NPAS3: variants seen among roughly 807,000 people sequenced by gnomAD.
NPAS3 encodes the protein neuronal PAS domain protein 3, also known as neuronal PAS domain-containing protein 3.
NPAS3 carries 14 observed loss-of-function variants against 73.1 expected under a neutral mutation model. The ratio of observed to expected loss-of-function variants is 0.19; its 90% CI spans 0.13 to 0.30. The LOEUF (loss-of-function observed/expected upper bound fraction) is 0.30, where lower values mean the gene tolerates loss of function less well. Ranked by LOEUF, NPAS3 falls within the 10% of genes least tolerant of loss-of-function variation. The pLI, the probability that NPAS3 is intolerant of heterozygous loss-of-function variation, is 1.00. For missense variants in NPAS3, 1,096 were observed against 1,250.0 expected (o/e 0.88, Z 1.86); for synonymous variants, 620 against 541.5 (o/e 1.14, Z -2.01).
chr14:33,710,035 C>T (rs2060773363), intron 6 of NPAS3, among the ~76,000 whole-genome samples: 1 of 152,184 alleles, frequency 6.6e-6, no homozygotes, highest in South Asian at 2.1e-4. Flanking sequence ...CAACATTACC[C>T]TTAGGGAGTC....
intron 6 of NPAS3, among the ~76,000 whole-genome samples, chr14:33,691,727 CCTTCCCGTTTTTCCACT>C (rs2060240891): frequency 6.6e-6 from 1 of 152,156 alleles, no homozygotes; most frequent in African/African-American, 2.4e-5. Context: ...GCAAAGAAAA[CCTTCCCGTTTTTCCACT>C]GGCTTCCTTG....
At chr14:33,728,097 A>G (rs2061317464) in intron 6 of NPAS3, among the ~76,000 whole-genome samples, 1 of 152,180 alleles carries the variant, frequency 6.6e-6, no homozygotes. Context: ...GGTATCATCC[A>G]AACACCAACT....
At chr14:33,273,184 C>T (rs1382441815) in intron 3 of NPAS3, among the ~76,000 whole-genome samples, 13 of 152,150 alleles carry the variant, frequency 8.5e-5, no homozygotes, top group Non-Finnish European at 1.8e-4. Context: ...GACTCCCCCG[C>T]TCTTCCCCAG....
At chr14:33,149,678 A>G (rs1017437056) in intron 2 of NPAS3, among the ~76,000 whole-genome samples, 1 of 152,190 alleles carries the variant, frequency 6.6e-6, no homozygotes, top group Non-Finnish European at 1.5e-5. Flanking sequence ...TTGAATTAAA[A>G]CAGTAATGTA....
chr14:33,624,569 G>GTT (rs11354235), intron 5 of NPAS3, among the ~76,000 whole-genome samples: 20 of 141,308 alleles, frequency 1.4e-4, no homozygotes, highest in Non-Finnish European at 2.3e-4. Flanking sequence ...GAACTATGTA[G>GTT]TTTTTTTTTT....
chr14:33,097,777 A>G (rs2042464938), intron 2 of NPAS3, among the ~76,000 whole-genome samples: 1 of 152,156 alleles, frequency 6.6e-6, no homozygotes. Flanking sequence ...ACATTTTCAA[A>G]TGTTTATGAG....
At chr14:33,535,986 A>G (rs898165519) in intron 4 of NPAS3, among the ~76,000 whole-genome samples, 1 of 152,200 alleles carries the variant, frequency 6.6e-6, no homozygotes, top group Non-Finnish European at 1.5e-5. Context: ...CTCTTTGGCC[A>G]TAGAACAGAG....
chr14:33,647,359 G>A (rs967437242), intron 5 of NPAS3, among the ~76,000 whole-genome samples: 1 of 151,666 alleles, frequency 6.6e-6, no homozygotes, highest in Non-Finnish European at 1.5e-5. Flanking sequence ...GGCTTCTTTA[G>A]TAATATTTTT....
Position 33,676,988 on chromosome 14 carries a change from C to T in NPAS3, c.733+603C>T, listed in dbSNP as rs552338263. Among the ~76,000 whole-genome samples, 5 of 152,290 alleles carry T rather than the reference C, an allele frequency of 3.3e-5. No individual in the cohort carries two copies. In the East Asian group the frequency reaches 5.8e-4, roughly 18 times the overall value. ...TTCCTCATTGGGATTCCTTCCAGGA[C>T]TCTTATAGACTTTGCATTCAGAATG... is the stretch of plus-strand genomic sequence containing the variant. On this transcript the variant is annotated intron_variant, in intron 6 of 11. Transcript: ENST00000356141.
intron 1 of NPAS3, among the ~76,000 whole-genome samples, chr14:32,969,827 C>A (rs1017152125): frequency 7.2e-5 from 11 of 152,084 alleles, no homozygotes; most frequent in African/African-American, 2.7e-4. Flanking sequence ...TTCTCAGAAA[C>A]ACTTTTTTAA....
chr14:32,936,023 G>A (rs756759773), upstream of NPAS3, among the ~76,000 whole-genome samples: 5 of 152,196 alleles, frequency 3.3e-5, no homozygotes, highest in African/African-American at 4.8e-5. Flanking sequence ...TTTGCCAATG[G>A]CATTTAACTT....
intron 5 of NPAS3, among the ~76,000 whole-genome samples, chr14:33,668,376 ATTAAGC>A (rs1400482121): frequency 1.3e-5 from 2 of 152,212 alleles, no homozygotes; most frequent in Non-Finnish European, 2.9e-5. Flanking sequence ...ATATGGGTGC[ATTAAGC>A]ATATCTAAGG....
chr14:33,632,445 C>G (rs1259717979), intron 5 of NPAS3, among the ~76,000 whole-genome samples: 1 of 152,186 alleles, frequency 6.6e-6, no homozygotes, highest in Non-Finnish European at 1.5e-5. Flanking sequence ...ACTCAGAGCA[C>G]ACTGTGTCCA....
At chr14:33,607,239 T>G (rs1347038914) in intron 5 of NPAS3, among the ~76,000 whole-genome samples, 1 of 152,250 alleles carries the variant, frequency 6.6e-6, no homozygotes, top group African/African-American at 2.4e-5. Flanking sequence ...GTAGCTTTGT[T>G]TGTAATAGTC....
At chr14:33,313,510 C>A (rs1331698004) in intron 3 of NPAS3, among the ~76,000 whole-genome samples, 2 of 152,054 alleles carry the variant, frequency 1.3e-5, no homozygotes, top group Non-Finnish European at 2.9e-5. Flanking sequence ...CCAGGCAGTG[C>A]TAGTTACTGA....
At chr14:33,547,841 A>G (rs1397416128) in intron 4 of NPAS3, among the ~76,000 whole-genome samples, 1 of 152,186 alleles carries the variant, frequency 6.6e-6, no homozygotes, top group Non-Finnish European at 1.5e-5. Flanking sequence ...GGTCTAAGCA[A>G]CAGTTGTCAG....
chr14:33,477,545 C>T (rs567672600), intron 4 of NPAS3, among the ~76,000 whole-genome samples: 1 of 152,262 alleles, frequency 6.6e-6, no homozygotes, highest in East Asian at 1.9e-4. Context: ...CACACATACA[C>T]ACAGCACACA....
At chr14:33,733,022 T>A (rs2061436709) in intron 6 of NPAS3, among the ~76,000 whole-genome samples, 1 of 152,214 alleles carries the variant, frequency 6.6e-6, no homozygotes, top group Non-Finnish European at 1.5e-5. Flanking sequence ...GTTCCTCCCT[T>A]ACTGGGTCAG....
intron 3 of NPAS3, among the ~76,000 whole-genome samples, chr14:33,325,961 T>C (rs1484357250): frequency 6.6e-6 from 1 of 152,200 alleles, no homozygotes; most frequent in African/African-American, 2.4e-5. Flanking sequence ...AAGAGTTTCC[T>C]TAAATAATTA....
Sources: gnomAD v4.1 joint callset for allele counts (sites outside exome capture counted in the v4.1 genomes callset) on GRCh38, gnomAD v4.1.1 for gene constraint, MANE v1.5 for transcripts, NCBI Gene and HGNC (gene_info 2026-07-23, HGNC 2026-07-21) for gene names.